The following PIGZ variants were observed in gnomAD, a reference collection of about 807,000 sequenced individuals.
PIGZ encodes phosphatidylinositol glycan anchor biosynthesis class Z (Gwada blood group).
In PIGZ, 16 loss-of-function variants were observed where a neutral mutation model predicts 16.4. That is an observed-to-expected ratio of 0.97 (90% confidence interval 0.66 to 1.48). The LOEUF is 1.48. Among genes scored for constraint, PIGZ ranks in the 40% most tolerant of loss-of-function variants. The pLI is 0.00. For missense variants in PIGZ, 770 were observed against 739.2 expected (o/e 1.04, Z -0.48); for synonymous variants, 409 against 338.4 (o/e 1.21, Z -2.29).
intron 2 of PIGZ, among the ~76,000 whole-genome samples, chr3:196,949,024 CCCTT>C (rs869293902): frequency 0.24 from 19,487 of 80,328 alleles, 6,210 homozygotes; most frequent in Admixed American, 0.27. Context: ...CCCCTCCCTT[CCCTT>C]CCTTCCCTTC....
intron 2 of PIGZ, among the ~76,000 whole-genome samples, chr3:196,950,290 T>C (rs1311909683): frequency 1.4e-5 from 2 of 138,070 alleles, no homozygotes; most frequent in African/African-American, 7.1e-5. Flanking sequence ...CTGCCTATGA[T>C]ACTTAAATTT....
intron 1 of PIGZ, among the ~76,000 whole-genome samples, chr3:196,963,794 T>A (rs1209675754): frequency 6.6e-6 from 1 of 152,204 alleles, no homozygotes; most frequent in Non-Finnish European, 1.5e-5. Flanking sequence ...ACAGCTTTCC[T>A]CCTCCTCAGG....
At chr3:196,958,543 A>G (rs1717588923) in intron 1 of PIGZ, among the ~76,000 whole-genome samples, 1 of 152,238 alleles carries the variant, frequency 6.6e-6, no homozygotes, top group Non-Finnish European at 1.5e-5. Context: ...AGGCAGGAGA[A>G]TCGCTTGAAC....
intron 1 of PIGZ, among the ~76,000 whole-genome samples, chr3:196,966,713 A>C (rs1490439792): frequency 6.6e-6 from 1 of 152,246 alleles, no homozygotes; most frequent in Non-Finnish European, 1.5e-5. Flanking sequence ...GGAGCTGTCC[A>C]TGTGGCTGCC....
chr3:196,949,482 A>G (rs554138978), intron 2 of PIGZ, among the ~76,000 whole-genome samples: 1 of 152,330 alleles, frequency 6.6e-6, no homozygotes, highest in East Asian at 1.9e-4. Flanking sequence ...AGGAAGCCGC[A>G]CCATAGGTTC....
At chr3:196,964,789 C>T (rs1374845783) in intron 1 of PIGZ, among the ~76,000 whole-genome samples, 4 of 151,958 alleles carry the variant, frequency 2.6e-5, no homozygotes, top group African/African-American at 4.8e-5. Flanking sequence ...CAGGCTGGAG[C>T]GCAGTGGCAT....
chr3:196,959,054 C>T (rs1717609763), intron 1 of PIGZ, among the ~76,000 whole-genome samples: 1 of 152,190 alleles, frequency 6.6e-6, no homozygotes, highest in African/African-American at 2.4e-5. Flanking sequence ...AGCTGGGCTC[C>T]AGAAGAACGG....
At chr3:196,960,147 G>A (rs1290319599) in intron 1 of PIGZ, among the ~76,000 whole-genome samples, 1 of 152,206 alleles carries the variant, frequency 6.6e-6, no homozygotes, top group Non-Finnish European at 1.5e-5. Context: ...TAGCCTGACT[G>A]TTACAGGAGT....
chr3:196,957,201 G>C (rs1002629398), intron 1 of PIGZ, among the ~76,000 whole-genome samples: 1 of 142,750 alleles, frequency 7.0e-6, no homozygotes, highest in African/African-American at 2.6e-5. Context: ...GTGTGTGTGT[G>C]TATGTGTTTA....
In PIGZ at chr3:196,947,224, G is replaced by A; in HGVS notation, c.1673C>T (p.Ser558Phe). The A allele has an allele frequency of 1.2e-6, 2 of 1,605,878 alleles. No individual in the cohort carries two copies. Among genetic ancestry groups the A allele is most frequent in the South Asian group, 2.2e-5 (2 of 89,370 alleles). Residue 558 changes from serine to phenylalanine, a missense_variant, in exon 3 of 3, where the codon TCC becomes TTC. By Grantham distance (155) the Ser-to-Phe change is radical. Coordinates refer to ENST00000412723, the MANE Select transcript of PIGZ (RefSeq NM_025163.4). ...LTLEDPPALS[S>F]LLSGAWRDHL... is the part of the protein sequence containing the mutation. ...GTCCCTCCAAGCCCCACTCAGCAAGGAGGACAGGGCTGGTGGATCCTCCAG... is the reference window on the plus strand; with the variant it reads ...GTCCCTCCAAGCCCCACTCAGCAAGAAGGACAGGGCTGGTGGATCCTCCAG...
chr3:196,952,840 G>T (rs1035128021), intron 1 of PIGZ, among the ~76,000 whole-genome samples: 2 of 152,168 alleles, frequency 1.3e-5, no homozygotes, highest in African/African-American at 4.8e-5. Flanking sequence ...GGTGGAGGAA[G>T]GGTGAATTTG....
In PIGZ at chr3:196,951,654, G is replaced by A. The variant is rs1383660129; in HGVS notation, c.211+167C>T. The A allele has an allele frequency of 9.2e-6, 6 of 655,256 alleles. No individual in the cohort carries two copies. The South Asian group carries it at 1.1e-4, about 12-fold the overall frequency. 40.6% of individuals were successfully genotyped at this position (655,256 alleles called of 1,614,324 possible). ...GTGTCACCACTCGGGAAGGAGATAT[G>A]AAGTCCCCACTTCCAAGTTCTTACC... On this transcript the variant is annotated intron_variant, in intron 2 of 2. Coordinates refer to ENST00000412723, the MANE Select transcript of PIGZ (RefSeq NM_025163.4).
Position 196,947,600 on chromosome 3 carries a change from C to T in PIGZ, c.1297G>A (p.Gly433Arg), listed in dbSNP as rs939915402. The T allele has an allele frequency of 6.2e-7, 1 of 1,613,546 alleles. No homozygotes were observed. Among genetic ancestry groups the T allele is most frequent in the Admixed American group, 1.7e-5 (1 of 59,970 alleles). ...TACTCCAGGCCAGGCACCAGGCCCC[C>T]CTGATGCAGGCAGCCGAAGAGGAGG... ...GALLFGCLHQ[G>R]GLVPGLEYLE... Residue 433 changes from glycine (G) to arginine (R), a missense_variant, in exon 3 of 3, where the codon GGG (glycine) becomes AGG (arginine). Physicochemically the swap from Gly to Arg is moderately radical, Grantham distance 125. Transcript: ENST00000412723.
At chr3:196,951,026 G>A (rs1216441016) in intron 2 of PIGZ, among the ~76,000 whole-genome samples, 5 of 152,338 alleles carry the variant, frequency 3.3e-5, no homozygotes, top group East Asian at 3.9e-4. Flanking sequence ...GATTACAGGC[G>A]TGAGCCACTG....
chr3:196,949,928 A>T (rs529741769), intron 2 of PIGZ, among the ~76,000 whole-genome samples: 1 of 152,094 alleles, frequency 6.6e-6, no homozygotes, highest in Non-Finnish European at 1.5e-5. Flanking sequence ...GAAGAGGGGT[A>T]GGTGATGAGC....
At chr3:196,956,609 A>C (rs989815131) in intron 1 of PIGZ, among the ~76,000 whole-genome samples, 4 of 152,208 alleles carry the variant, frequency 2.6e-5, no homozygotes, top group Admixed American at 2.6e-4. Flanking sequence ...AGACCTTCTC[A>C]GTCTATCTTC....
At chr3:196,955,217 T>G (rs768368821) in intron 1 of PIGZ, among the ~76,000 whole-genome samples, 1 of 152,204 alleles carries the variant, frequency 6.6e-6, no homozygotes, top group Non-Finnish European at 1.5e-5. Flanking sequence ...TGAGCCACCT[T>G]GCCTGGCCCA....
chr3:196,947,318 TGGTGCCAGGG>T lies in PIGZ; in HGVS notation c.1569_1578del (p.Thr526ValfsTer20). On this transcript the variant is annotated frameshift_variant, in exon 3 of 3. Coordinates refer to ENST00000412723, the MANE Select transcript of PIGZ (RefSeq NM_025163.4). LOFTEE classifies it high-confidence loss of function. ...CTGCACTTCTCCACGGCACGCCTGG[TGGTGCCAGGG>T]GTTACCACAAAGAGGCGGCAGAGCC... 1 of 1,614,142 alleles carries T rather than the reference TGGTGCCAGGG, an allele frequency of 6.2e-7. No individual in the cohort carries two copies. Among genetic ancestry groups the T allele is most frequent in the Middle Eastern group, 1.6e-4 (1 of 6,062 alleles).
chr3:196,954,820 T>A (rs2108907473), intron 1 of PIGZ, among the ~76,000 whole-genome samples: 1 of 152,368 alleles, frequency 6.6e-6, no homozygotes, highest in African/African-American at 2.4e-5. Context: ...TAATGGTCAT[T>A]TTTGTAGATA....
Sources: allele counts gnomAD v4.1 joint callset (sites outside exome capture counted in the v4.1 genomes callset), GRCh38; gene constraint gnomAD v4.1.1; transcripts MANE v1.5; gene names NCBI Gene and HGNC (gene_info 2026-07-23, HGNC 2026-07-21).